Variants in PCBP3 observed in about 807,000 individuals in gnomAD.
PCBP3 encodes the protein poly(rC)-binding protein 3.
In PCBP3, 25 loss-of-function variants were observed where a neutral mutation model predicts 52.7. The observed-to-expected ratio is 0.47, with a 90% CI of 0.35 to 0.66. The LOEUF is 0.66. Among genes scored for constraint, PCBP3 ranks in the 30% least tolerant of loss-of-function variants. The pLI, the probability that PCBP3 is intolerant of heterozygous loss-of-function variation, is 0.01. For missense variants in PCBP3, 391 were observed against 490.3 expected (o/e 0.80, Z 1.91); for synonymous variants, 162 against 183.0 (o/e 0.89, Z 0.93).
chr21:45,660,518 A>G (rs1569087021), intron 1 of PCBP3, among the ~76,000 whole-genome samples: 2 of 152,150 alleles, frequency 1.3e-5, no homozygotes, highest in African/African-American at 4.8e-5. Context: ...TTCTCTATGC[A>G]ATGTCTTTTT....
rs1419171008 is a variant in PCBP3 at position 45,802,154 on chromosome 21, G to A, written c.-126+46702G>A. 6.6e-6 allele frequency among the ~76,000 whole-genome samples: 1 copy of A among 152,232 alleles called. No individual in the cohort carries two copies. The highest frequency in any genetic ancestry group is 2.4e-5 in the African/African-American group (1 of 41,466). On this transcript the variant is annotated intron_variant, in intron 4 of 17. Coordinates refer to ENST00000681687, the MANE Select transcript of PCBP3 (RefSeq NM_001384156.1). The surrounding 1 kb of genome is among the most constrained non-coding windows in gnomAD (Gnocchi z 5.1). Reference sequence around the variant, plus strand: ...CATCCTGGGCAGAGGCCTTGGCCCAGTGCAAGCTCTTTCTGCCCACATTCT... The same window carrying A: ...CATCCTGGGCAGAGGCCTTGGCCCAATGCAAGCTCTTTCTGCCCACATTCT...
At chr21:45,757,852 C>T (rs2088211009) in intron 4 of PCBP3, among the ~76,000 whole-genome samples, 1 of 151,428 alleles carries the variant, frequency 6.6e-6, no homozygotes, top group African/African-American at 2.4e-5. Flanking sequence ...GGGTTTATTT[C>T]TGGATTCTCA....
chr21:45,740,844 G>A (rs71324443), intron 3 of PCBP3, among the ~76,000 whole-genome samples: 7,759 of 152,234 alleles, frequency 0.051, 268 homozygotes, highest in Non-Finnish European at 0.08. Context: ...TGCAGACAGT[G>A]CCCCCACGTC....
intron 4 of PCBP3, among the ~76,000 whole-genome samples, chr21:45,778,479 G>T (rs2090412241): frequency 6.6e-6 from 1 of 152,194 alleles, no homozygotes; most frequent in African/African-American, 2.4e-5. Flanking sequence ...TGGGAAACTG[G>T]CATGGGCGAT....
In PCBP3 at chr21:45,737,154, C is replaced by T. The variant is rs983147119; in HGVS notation, c.-162+1725C>T. ...AGGAGGTGAGGGTGCAGCTGGGGCA[C>T]ATCAGGGGTCTCACAGGTCATCCCG... On this transcript the variant is annotated intron_variant, in intron 3 of 17. Coordinates refer to ENST00000681687, the MANE Select transcript of PCBP3 (RefSeq NM_001384156.1). This position sits in a 1 kb window ranked among gnomAD's most constrained non-coding sequence, Gnocchi z 4.9. Among the ~76,000 whole-genome samples the T allele has an allele frequency of 6.6e-6, 1 of 151,948 alleles. No homozygotes were observed. Among genetic ancestry groups the T allele is most frequent in the African/African-American group, 2.4e-5 (1 of 41,348 alleles).
In PCBP3 at chr21:45,891,830, G is replaced by A. The variant is rs59733952; in HGVS notation, c.11-4378G>A. ...CTCTGAGCGCCTCCTCCCCTGGCCC[G>A]GCCCCTTCTCCTGCACAGCCCCGGG... is the stretch of plus-strand genomic sequence containing the variant. On this transcript the variant is annotated intron_variant, in intron 5 of 17. Transcript: ENST00000681687. Among the ~76,000 whole-genome samples, 1,242 of 152,282 alleles carry A rather than the reference G, an allele frequency of 8.2e-3. 18 individuals are homozygous for A. The highest frequency in any genetic ancestry group is 0.028 in the African/African-American group (1,181 of 41,550).
intron 1 of PCBP3, among the ~76,000 whole-genome samples, chr21:45,659,988 T>C (rs2080278403): frequency 6.6e-6 from 1 of 152,176 alleles, no homozygotes; most frequent in Non-Finnish European, 1.5e-5. Context: ...TTTAAATCTT[T>C]TGTTTTCTTT....
chr21:45,781,669 T>C (rs2146071905), intron 4 of PCBP3, among the ~76,000 whole-genome samples: 1 of 152,366 alleles, frequency 6.6e-6, no homozygotes, highest in East Asian at 1.9e-4. Flanking sequence ...CATACACCTT[T>C]GAACAGGAAC....
intron 2 of PCBP3, among the ~76,000 whole-genome samples, chr21:45,680,689 A>G (rs537426916): frequency 6.6e-6 from 1 of 152,134 alleles, no homozygotes; most frequent in East Asian, 1.9e-4. Context: ...TCTTTTATTT[A>G]TTTCCTTATT....
intron 13 of PCBP3, among the ~76,000 whole-genome samples, chr21:45,923,473 C>T (rs895120392): frequency 2.6e-5 from 4 of 152,208 alleles, no homozygotes; most frequent in Non-Finnish European, 4.4e-5. Flanking sequence ...CTTGGAACAC[C>T]GCACCCTCTG....
At chr21:45,815,972 ATGAGTGG>A (rs1207345273) in intron 4 of PCBP3, among the ~76,000 whole-genome samples, 94 of 39,330 alleles carry the variant, frequency 2.4e-3, no homozygotes, top group African/African-American at 8.7e-3. Flanking sequence ...GTAGTGAGTG[ATGAGTGG>A]TGAGTGGTGA....
In PCBP3 at chr21:45,898,580, C is replaced by G. The variant is rs1407091221; in HGVS notation, c.166-1019C>G. ...CTCCCTCTACACGCCATCCTCACAG[C>G]CTCCCTCTCCCTCCACGGGCCCCTC... On this transcript the variant is annotated intron_variant, in intron 6 of 17. Coordinates refer to ENST00000681687, the MANE Select transcript of PCBP3 (RefSeq NM_001384156.1). Among the ~76,000 whole-genome samples, 51 of 69,818 alleles carry G rather than the reference C, an allele frequency of 7.3e-4. 11 individuals are homozygous for G. In the East Asian group the frequency reaches 0.013, roughly 18 times the overall value. The allele number at this position is 69,818 out of a possible 152,430, so 45.8% of individuals were successfully genotyped here.
At chr21:45,897,920 G>A (rs959656272) in intron 6 of PCBP3, among the ~76,000 whole-genome samples, 3 of 152,156 alleles carry the variant, frequency 2.0e-5, no homozygotes, top group Non-Finnish European at 2.9e-5. Context: ...TGTGCACCAC[G>A]AGGAATCCAA....
At chr21:45,740,621 AGTGTGTGT>A (rs34229652) in intron 3 of PCBP3, among the ~76,000 whole-genome samples, 1 of 150,380 alleles carries the variant, frequency 6.6e-6, no homozygotes, top group South Asian at 2.1e-4. Flanking sequence ...TGGTGTGTGT[AGTGTGTGT>A]GTGTGTGTGA....
Position 45,917,526 on chromosome 21 carries a change from G to A in PCBP3, c.676-62G>A, listed in dbSNP as rs912393979. The A allele has an allele frequency of 1.8e-4, 237 of 1,328,748 alleles. No homozygotes were observed. Among genetic ancestry groups the A allele is most frequent in the Non-Finnish European group, 2.5e-4 (232 of 925,468 alleles). The allele number at this position is 1,328,748 out of a possible 1,614,324, so 82.3% of individuals were successfully genotyped here. On this transcript the variant is annotated intron_variant, in intron 12 of 17. Coordinates refer to ENST00000681687, the MANE Select transcript of PCBP3 (RefSeq NM_001384156.1). The surrounding 1 kb of genome is among the most constrained non-coding windows in gnomAD (Gnocchi z 5.3). ...GGTCCTTGTCATGCTGGAGGGTGGC[G>A]GCGGGTGCTGAGCCGTGGTGCAGCC... is the stretch of plus-strand genomic sequence containing the variant.
At chr21:45,864,462 G>A (rs1462968637) in intron 5 of PCBP3, among the ~76,000 whole-genome samples, 2 of 152,186 alleles carry the variant, frequency 1.3e-5, no homozygotes, top group African/African-American at 4.8e-5. Flanking sequence ...TTGAGAAAAT[G>A]ATGCTGAGTT....
In PCBP3 at chr21:45,880,304, G is replaced by A. The variant is rs1448501098; in HGVS notation, c.11-15904G>A. Among the ~76,000 whole-genome samples, 3 of 152,182 alleles carry A rather than the reference G, an allele frequency of 2.0e-5. No homozygotes were observed. The highest frequency in any genetic ancestry group is 4.4e-5 in the Non-Finnish European group (3 of 68,040). On this transcript the variant is annotated intron_variant, in intron 5 of 17. Transcript: ENST00000681687. The surrounding 1 kb of genome is among the most constrained non-coding windows in gnomAD (Gnocchi z 5.4). ...CTCGGAGGGGAGGGGAGCGCCTGGG[G>A]CGCCGCGGTCCTGACCCCACACAAC...
At chr21:45,763,746 C>A (rs2088968966) in intron 4 of PCBP3, 2 of 152,360 alleles carry the variant, frequency 1.3e-5, no homozygotes, top group Admixed American at 6.5e-5. Context: ...TCATCAGTGC[C>A]CTGGCGAGTG....
At chr21:45,743,065 C>T (rs557916707) in intron 3 of PCBP3, among the ~76,000 whole-genome samples, 21 of 152,114 alleles carry the variant, frequency 1.4e-4, no homozygotes, top group Non-Finnish European at 3.1e-4. Context: ...TCTGTCTTTC[C>T]ATTTATTCTG....
Sources: allele counts gnomAD v4.1 joint callset (sites outside exome capture counted in the v4.1 genomes callset), GRCh38; gene constraint gnomAD v4.1.1; non-coding constraint Gnocchi (gnomAD v3.1); transcripts MANE v1.5; gene names NCBI Gene and HGNC (gene_info 2026-07-23, HGNC 2026-07-21).